SETDB2: variants seen among roughly 807,000 people sequenced by gnomAD.
The protein encoded by SETDB2 is SET domain bifurcated histone lysine methyltransferase 2, also known as histone-lysine N-methyltransferase SETDB2.
SETDB2 carries 56 observed loss-of-function variants against 82.5 expected under a neutral mutation model. That is an observed-to-expected ratio of 0.68 (90% CI 0.55 to 0.85). The LOEUF is 0.85. Ranked by LOEUF, SETDB2 falls within the 40% of genes least tolerant of loss-of-function variation. The pLI, the probability that SETDB2 is intolerant of heterozygous loss-of-function variation, is 0.00. For synonymous variants in SETDB2, 272 were observed against 284.9 expected (o/e 0.95, Z 0.46); for missense variants, 677 against 816.4 (o/e 0.83, Z 2.08).
intron 1 of SETDB2, among the ~76,000 whole-genome samples, chr13:49,447,213 TA>T (rs749156368): frequency 6.6e-6 from 1 of 152,178 alleles, no homozygotes; most frequent in Non-Finnish European, 1.5e-5. Flanking sequence ...ACTGTATTTT[TA>T]GAAGTCTCTT....
intron 2 of SETDB2, among the ~76,000 whole-genome samples, chr13:49,457,796 CT>C (rs932179807): frequency 6.6e-6 from 1 of 152,014 alleles, no homozygotes; most frequent in African/African-American, 2.4e-5. Flanking sequence ...AGCATCACAG[CT>C]TTTTTTTCCT....
intron 8 of SETDB2, chr13:49,482,337 T>G (rs768249149): frequency 3.0e-6 from 3 of 984,786 alleles, no homozygotes; most frequent in Non-Finnish European, 3.6e-6. Flanking sequence ...ACCACATATT[T>G]AAATAGGTAC....
At chr13:49,472,079 T>A (rs1052625755) in intron 5 of SETDB2, among the ~76,000 whole-genome samples, 6 of 151,624 alleles carry the variant, frequency 4.0e-5, no homozygotes, top group South Asian at 4.2e-4. Flanking sequence ...CCATTTTTTT[T>A]AATATCTTAA....
At chr13:49,465,564 C>T (rs1958089557) in intron 4 of SETDB2, among the ~76,000 whole-genome samples, 1 of 150,084 alleles carries the variant, frequency 6.7e-6, no homozygotes, top group African/African-American at 2.5e-5. Context: ...GAGACGAAGT[C>T]TCACTCTTAT....
chr13:49,467,974 T>G lies in SETDB2; in HGVS notation c.305+14T>G. 3 of 1,528,590 alleles carry G rather than the reference T, an allele frequency of 2.0e-6. No homozygotes were observed. The highest frequency in any genetic ancestry group is 2.7e-6 in the Non-Finnish European group (3 of 1,121,792). 94.7% of individuals were successfully genotyped at this position (1,528,590 alleles called of 1,614,324 possible). ...CTGTACATTTCTGTATGTATATAAATTCTTTGTTATTAATGCTTTTGCTCC... is the reference window on the plus strand; with the variant it reads ...CTGTACATTTCTGTATGTATATAAAGTCTTTGTTATTAATGCTTTTGCTCC... On this transcript the variant is annotated intron_variant, in intron 5 of 13. Transcript: ENST00000611815.
chr13:49,485,726 AG>A lies in SETDB2; in HGVS notation c.1576+5del, dbSNP rs758727499. 1.1e-5 allele frequency: 18 copies of A among 1,612,214 alleles called. No individual in the cohort carries two copies. In the Admixed American group the frequency reaches 2.5e-4, roughly 22 times the overall value. ...CTCTAAAACCAAGGGAGCACAAAGT[AG>A]GCTTTGTTTCTTCTGTGAATGCCTA... On this transcript the variant is annotated splice_donor_region_variant and intron_variant, in intron 11 of 13. Coordinates refer to ENST00000611815, the MANE Select transcript of SETDB2 (RefSeq NM_001160308.3).
chr13:49,453,449 G>T (rs1189087101), intron 2 of SETDB2, among the ~76,000 whole-genome samples: 2 of 151,516 alleles, frequency 1.3e-5, no homozygotes, highest in African/African-American at 4.8e-5. Flanking sequence ...GGTGTGTGCC[G>T]CCACGCCCAG....
intron 2 of SETDB2, among the ~76,000 whole-genome samples, chr13:49,457,679 G>A (rs1211379020): frequency 6.6e-6 from 1 of 151,754 alleles, no homozygotes; most frequent in Non-Finnish European, 1.5e-5. Context: ...CAAGTGATCT[G>A]CCTGCCTCAG....
Position 49,490,741 on chromosome 13 carries a change from CAG to C in SETDB2, c.1918-79_1918-78del, listed in dbSNP as rs1248855899. ...CAAAATCAGTGTGATATATTAAAAA[CAG>C]AATGGTTTTCTAATGCAAAAGCACA... On this transcript the variant is annotated intron_variant, in intron 12 of 13. Transcript: ENST00000611815. The C allele has an allele frequency of 2.4e-5, 23 of 965,532 alleles. 1 individual carries two copies. In the South Asian group the frequency reaches 3.1e-4, roughly 13 times the overall value. 59.8% of individuals were successfully genotyped at this position (965,532 alleles called of 1,614,324 possible).
chr13:49,446,347 T>C, intron 1 of SETDB2: 1 of 455,592 alleles, frequency 2.2e-6, no homozygotes, highest in Non-Finnish European at 4.4e-6. Flanking sequence ...TTTTCCTTCT[T>C]GAAAGTTCGT....
intron 1 of SETDB2, among the ~76,000 whole-genome samples, chr13:49,447,918 G>A (rs190685021): frequency 2.5e-4 from 37 of 150,734 alleles, no homozygotes; most frequent in East Asian, 1.8e-3. Flanking sequence ...AAAATTAGCC[G>A]TTCTCTGAAA....
At chr13:49,451,332 G>T (rs1566153348) in intron 1 of SETDB2, among the ~76,000 whole-genome samples, 1 of 151,042 alleles carries the variant, frequency 6.6e-6, no homozygotes, top group Admixed American at 6.6e-5. Context: ...TTAAATATGG[G>T]TGATAGGATT....
intron 4 of SETDB2, chr13:49,463,978 C>CT (rs766299183): frequency 2.8e-6 from 2 of 718,342 alleles, no homozygotes; most frequent in East Asian, 5.3e-5. Context: ...GCTTATTTCT[C>CT]TTTTTAATTT....
At chr13:49,485,827 G>A in intron 11 of SETDB2, 104 bp downstream of exon 11, 1 of 1,021,884 alleles carries the variant, frequency 9.8e-7, no homozygotes, top group South Asian at 1.3e-5. Flanking sequence ...TAAACATGCT[G>A]CATTTGTCAG....
chr13:49,483,392 A>G, intron 9 of SETDB2, 72 bp from the exon 10 acceptor site: 2 of 545,850 alleles, frequency 3.7e-6, no homozygotes, highest in Non-Finnish European at 6.4e-6. Flanking sequence ...AATAATGGAT[A>G]TTATCTGTAC....
chr13:49,482,112 T>TG, intron 8 of SETDB2: 1 of 985,424 alleles, frequency 1.0e-6, no homozygotes, highest in Non-Finnish European at 1.2e-6. Flanking sequence ...ACCTGTAAAA[T>TG]GCCAGGTGGT....
Position 49,492,099 on chromosome 13 carries a change from A to G in SETDB2, c.*250A>G, listed in dbSNP as rs1958724727. 2 of 392,844 alleles carry G rather than the reference A, an allele frequency of 5.1e-6. No homozygotes were observed. The highest frequency in any genetic ancestry group is 9.5e-6 in the Non-Finnish European group (2 of 210,128). The allele number at this position is 392,844 out of a possible 1,614,324, so 24.3% of individuals were successfully genotyped here. On this transcript the variant is annotated 3_prime_UTR_variant, in exon 14 of 14. Coordinates refer to ENST00000611815, the MANE Select transcript of SETDB2 (RefSeq NM_001160308.3). ...AGTAGGATGGAAGTGTATATTTTAT[A>G]TGAAATACCACTGTACAATTTATAA...
intron 11 of SETDB2, among the ~76,000 whole-genome samples, chr13:49,486,008 T>G (rs1209497895): frequency 1.3e-5 from 2 of 151,874 alleles, no homozygotes; most frequent in Non-Finnish European, 2.9e-5. Context: ...TTATATGAAA[T>G]TACAATTTTA....
At chr13:49,479,740 G>A (rs74076027) in intron 6 of SETDB2, among the ~76,000 whole-genome samples, 2,871 of 152,200 alleles carry the variant, frequency 0.019, 86 homozygotes, top group African/African-American at 0.061. Flanking sequence ...TTCCTGCCTC[G>A]CAACAGTATG....
Sources: allele counts gnomAD v4.1 joint callset (sites outside exome capture counted in the v4.1 genomes callset), GRCh38; gene constraint gnomAD v4.1.1; transcripts MANE v1.5; gene names NCBI Gene and HGNC (gene_info 2026-07-23, HGNC 2026-07-21).